RNF150: variants seen among roughly 807,000 people sequenced by gnomAD.
RNF150 encodes ring finger protein 150.
Under a neutral mutation model 39.3 loss-of-function variants are expected in RNF150, and 24 were observed. The observed-to-expected ratio is 0.61, with a 90% confidence interval of 0.44 to 0.86. RNF150 has a LOEUF of 0.86. RNF150 is among the 40% of genes least tolerant of loss of function. The pLI, the probability that RNF150 is intolerant of heterozygous loss-of-function variation, is 0.00. For synonymous variants in RNF150, 255 were observed against 227.3 expected, an observed-to-expected ratio of 1.12 and a Z score of -1.10; for missense variants, 502 against 587.8, an observed-to-expected ratio of 0.85 and a Z score of 1.51.
intron 4 of RNF150, among the ~76,000 whole-genome samples, chr4:140,940,993 G>C (rs1225398294): frequency 6.6e-6 from 1 of 151,940 alleles, no homozygotes; most frequent in East Asian, 1.9e-4. Context: ...CCCCAATTTT[G>C]GGGTACACCT....
At chr4:141,076,602 C>T (rs914104671) in intron 1 of RNF150, among the ~76,000 whole-genome samples, 6 of 151,594 alleles carry the variant, frequency 4.0e-5, no homozygotes, top group African/African-American at 1.5e-4. Flanking sequence ...AATTTCAGCA[C>T]CTTTGTGGGT....
intron 1 of RNF150, among the ~76,000 whole-genome samples, chr4:141,079,834 A>G (rs11100701): frequency 0.75 from 114,512 of 152,168 alleles, 43,683 homozygotes; most frequent in East Asian, 1. Flanking sequence ...CAGGCCCTGG[A>G]GCCAGAACGT....
intron 1 of RNF150, among the ~76,000 whole-genome samples, chr4:140,984,637 GCA>G (rs1733965406): frequency 6.6e-6 from 1 of 152,030 alleles, no homozygotes; most frequent in Non-Finnish European, 1.5e-5. Context: ...ACATTTTAGT[GCA>G]CATTGTCTTG....
In RNF150 at chr4:140,882,832, C is replaced by T. The variant is rs143680575; in HGVS notation, c.1199-14453G>A. Among the ~76,000 whole-genome samples the T allele has an allele frequency of 1.6e-3, 249 of 152,156 alleles. 1 individual carries two copies. Among genetic ancestry groups the T allele is most frequent in the Middle Eastern group, 0.014 (4 of 294 alleles). Reference sequence around the variant, plus strand: ...AAATCTAAAGTGACTGCCTTGTAGACGGCATATAGTTACCTTTTGTTTTTC... The same window carrying T: ...AAATCTAAAGTGACTGCCTTGTAGATGGCATATAGTTACCTTTTGTTTTTC... On this transcript the variant is annotated intron_variant, in intron 6 of 6. Coordinates refer to ENST00000515673, the MANE Select transcript of RNF150 (RefSeq NM_020724.2).
chr4:141,186,769 T>C (rs556435340), intron 1 of RNF150, among the ~76,000 whole-genome samples: 4 of 152,292 alleles, frequency 2.6e-5, no homozygotes, highest in African/African-American at 9.6e-5. Context: ...TGGCTAGTGG[T>C]CCACCTATTT....
At chr4:141,189,366 G>A (rs1467561148) in intron 1 of RNF150, among the ~76,000 whole-genome samples, 1 of 152,170 alleles carries the variant, frequency 6.6e-6, no homozygotes, top group Non-Finnish European at 1.5e-5. Flanking sequence ...CAGTCAGGTG[G>A]CACAGGGCAC....
chr4:140,869,086 G>A (rs1728829978), intron 6 of RNF150, among the ~76,000 whole-genome samples: 1 of 152,148 alleles, frequency 6.6e-6, no homozygotes, highest in Admixed American at 6.5e-5. Context: ...GAAATAACTG[G>A]AGATGCAAAA....
At chr4:141,080,839 C>T (rs1447184121) in intron 1 of RNF150, among the ~76,000 whole-genome samples, 1 of 152,156 alleles carries the variant, frequency 6.6e-6, no homozygotes, top group South Asian at 2.1e-4. Context: ...GGCAAAGGTA[C>T]AGTGAGGCTG....
chr4:140,979,855 C>T (rs1346377724), intron 1 of RNF150, among the ~76,000 whole-genome samples: 5 of 151,992 alleles, frequency 3.3e-5, no homozygotes, highest in Non-Finnish European at 7.4e-5. Context: ...AATCAATCTT[C>T]AAAGTAAAAA....
intron 6 of RNF150, among the ~76,000 whole-genome samples, chr4:140,894,527 T>G (rs1261713257): frequency 6.6e-6 from 1 of 152,198 alleles, no homozygotes; most frequent in Non-Finnish European, 1.5e-5. Context: ...CCCCCACTTT[T>G]TAAACTCCAT....
At chr4:141,001,886 C>T (rs73860208) in intron 1 of RNF150, among the ~76,000 whole-genome samples, 11,442 of 152,040 alleles carry the variant, frequency 0.075, 488 homozygotes, top group Middle Eastern at 0.16. Flanking sequence ...AACTTGTATA[C>T]GCTTATTAGT....
chr4:140,913,115 G>T (rs576442258), intron 5 of RNF150, among the ~76,000 whole-genome samples: 1 of 151,986 alleles, frequency 6.6e-6, no homozygotes, highest in Non-Finnish European at 1.5e-5. Context: ...ATAAAAATTA[G>T]CCAGGTGTGG....
intron 5 of RNF150, among the ~76,000 whole-genome samples, chr4:140,918,030 A>G (rs1199093832): frequency 1.3e-5 from 2 of 151,888 alleles, no homozygotes; most frequent in East Asian, 1.9e-4. Context: ...TCTCTGGGAC[A>G]CATTCAAAGC....
intron 1 of RNF150, among the ~76,000 whole-genome samples, chr4:141,025,643 T>C (rs1735667851): frequency 6.6e-6 from 1 of 152,010 alleles, no homozygotes; most frequent in Non-Finnish European, 1.5e-5. Context: ...GGAAGATACA[T>C]AAAAAGTAGA....
intron 5 of RNF150, among the ~76,000 whole-genome samples, chr4:140,916,555 T>C (rs1730838629): frequency 6.6e-6 from 1 of 152,160 alleles, no homozygotes; most frequent in Non-Finnish European, 1.5e-5. Flanking sequence ...AAAGACCAAA[T>C]CTACGTCTAA....
At chr4:141,159,109 A>G (rs1163645786) in intron 1 of RNF150, among the ~76,000 whole-genome samples, 1 of 152,244 alleles carries the variant, frequency 6.6e-6, no homozygotes, top group Non-Finnish European at 1.5e-5. Flanking sequence ...GAAGTTCAAC[A>G]GCTGGTATTA....
chr4:141,186,761 G>A (rs966141607), intron 1 of RNF150, among the ~76,000 whole-genome samples: 10 of 151,718 alleles, frequency 6.6e-5, no homozygotes, highest in African/African-American at 1.9e-4. Flanking sequence ...TTTTAGTCTG[G>A]CTAGTGGTCC....
At chr4:141,057,627 A>T (rs1465368525) in intron 1 of RNF150, among the ~76,000 whole-genome samples, 2 of 152,078 alleles carry the variant, frequency 1.3e-5, no homozygotes, top group African/African-American at 4.8e-5. Context: ...CCCACTTATG[A>T]GTGAGAAATA....
chr4:141,040,499 A>T (rs1475268216), intron 1 of RNF150, among the ~76,000 whole-genome samples: 1 of 152,108 alleles, frequency 6.6e-6, no homozygotes. Context: ...TCTTTTATAT[A>T]TTTTTTTGTG....
Sources: gnomAD v4.1 joint callset for allele counts (sites outside exome capture counted in the v4.1 genomes callset) on GRCh38, gnomAD v4.1.1 for gene constraint, MANE v1.5 for transcripts, NCBI Gene and HGNC (gene_info 2026-07-23, HGNC 2026-07-21) for gene names.